Variants in EFCAB11 observed in about 807,000 individuals in gnomAD.
EFCAB11 encodes the protein EF-hand calcium binding domain 11.
In EFCAB11, 14 loss-of-function variants were observed where a neutral mutation model predicts 23.0. The ratio of observed to expected loss-of-function variants is 0.61; its 90% CI spans 0.40 to 0.95. The LOEUF (loss-of-function observed/expected upper bound fraction) is 0.95, where lower values mean the gene tolerates loss of function less well. Among genes scored for constraint, EFCAB11 ranks in the 40% least tolerant of loss-of-function variants. EFCAB11 has a pLI of 0.00. For missense variants in EFCAB11, 198 were observed against 195.8 expected (o/e 1.01, Z -0.07); for synonymous variants, 65 against 66.6 (o/e 0.98, Z 0.11).
chr14:89,952,930 G>A (rs1430994477), intron 2 of EFCAB11, among the ~76,000 whole-genome samples: 2 of 152,118 alleles, frequency 1.3e-5, no homozygotes, highest in East Asian at 1.9e-4. Context: ...AGCTTAACAA[G>A]AAGGGTGTTG....
At chr14:89,807,357 T>G (rs1028532798) in intron 5 of EFCAB11, among the ~76,000 whole-genome samples, 1 of 152,234 alleles carries the variant, frequency 6.6e-6, no homozygotes, top group Admixed American at 6.5e-5. Context: ...AGATGTGGCC[T>G]CTCTGAAAGC....
At chr14:89,858,070 G>C (rs1404492732) in intron 5 of EFCAB11, among the ~76,000 whole-genome samples, 2 of 152,172 alleles carry the variant, frequency 1.3e-5, no homozygotes, top group Non-Finnish European at 1.5e-5. Context: ...GTCCACAAAT[G>C]CTTTGATGTT....
chr14:89,854,336 C>T (rs1212405080), intron 5 of EFCAB11, among the ~76,000 whole-genome samples: 1 of 152,148 alleles, frequency 6.6e-6, no homozygotes, highest in African/African-American at 2.4e-5. Flanking sequence ...GAGGTGCCCG[C>T]ATCCTACATA....
intron 4 of EFCAB11, among the ~76,000 whole-genome samples, chr14:89,931,936 AGACTTT>A (rs1890403143): frequency 1.3e-5 from 2 of 152,352 alleles, no homozygotes; most frequent in South Asian, 4.1e-4. Flanking sequence ...CAACGGTGTT[AGACTTT>A]GAGTCTTTGC....
intron 5 of EFCAB11, among the ~76,000 whole-genome samples, chr14:89,804,775 T>A (rs764602769): frequency 3.3e-5 from 5 of 152,190 alleles, no homozygotes; most frequent in Non-Finnish European, 5.9e-5. Flanking sequence ...AAATTAAATA[T>A]TGCCTTTAAG....
rs71107570 is a variant in EFCAB11 at position 89,917,053 on chromosome 14, CGTGTGTGTGTGTGTGT to C, written c.410+14472_410+14487del. 9.4e-3 allele frequency among the ~76,000 whole-genome samples: 1,287 copies of C among 136,722 alleles called. 13 individuals are homozygous for C. Among genetic ancestry groups the C allele is most frequent in the African/African-American group, 0.022 (764 of 33,970 alleles). The allele number at this position is 136,722 out of a possible 152,430, so 89.7% of individuals were successfully genotyped here. A position where few individuals can be genotyped will look rare whatever the true frequency, so the allele number is the denominator to read the frequency against. ...AGCATATCCATCACCTGACATGCTT[CGTGTGTGTGTGTGTGT>C]GTGTGTGTGTGTGTGTGTGTGTGTG... On this transcript the variant is annotated intron_variant, in intron 5 of 5. Transcript: ENST00000316738.
intron 5 of EFCAB11, among the ~76,000 whole-genome samples, chr14:89,873,280 A>C (rs929961416): frequency 1.3e-5 from 2 of 152,128 alleles, no homozygotes; most frequent in African/African-American, 4.8e-5. Context: ...TATCACAAGA[A>C]CAATATGGGA....
chr14:89,904,806 C>T (rs1269366747), intron 5 of EFCAB11, among the ~76,000 whole-genome samples: 1 of 152,112 alleles, frequency 6.6e-6, no homozygotes, highest in Non-Finnish European at 1.5e-5. Flanking sequence ...ATCCTTTGCC[C>T]ACTTTTTGAT....
In EFCAB11 at chr14:89,932,513, T is replaced by C; in HGVS notation, c.319+13A>G. The C allele has an allele frequency of 1.2e-6, 2 of 1,608,354 alleles. No homozygotes were observed. Among genetic ancestry groups the C allele is most frequent in the Admixed American group, 1.7e-5 (1 of 59,630 alleles). On this transcript the variant is annotated intron_variant, in intron 4 of 5. Transcript: ENST00000316738. Reference sequence around the variant, plus strand: ...TAATTTTTTTTACATCAAAACACTTTAGAGACACTTACAGTAGGTGTCAAA... The same window carrying C: ...TAATTTTTTTTACATCAAAACACTTCAGAGACACTTACAGTAGGTGTCAAA...
chr14:89,795,364 A>AT lies in EFCAB11; in HGVS notation c.*1878dup, dbSNP rs141607158. The AT allele has an allele frequency of 0.065, 9,841 of 151,076 alleles. 917 individuals are homozygous for AT. Among genetic ancestry groups the AT allele is most frequent in the African/African-American group, 0.21 (8,597 of 41,068 alleles). The allele number at this position is 151,076 out of a possible 1,614,324, so 9.4% of individuals were successfully genotyped here. ...TGTCACATCTTGTTAGGCTCCTCTTATTTGACAGTTTAAAACTTTATTTTT... is the reference window on the plus strand; with the variant it reads ...TGTCACATCTTGTTAGGCTCCTCTTATTTTGACAGTTTAAAACTTTATTTTT... On this transcript the variant is annotated 3_prime_UTR_variant, in exon 6 of 6. Transcript: ENST00000316738.
At chr14:89,899,628 ATAAATCATTTT>A (rs1174585059) in intron 5 of EFCAB11, among the ~76,000 whole-genome samples, 1 of 152,266 alleles carries the variant, frequency 6.6e-6, no homozygotes, top group Non-Finnish European at 1.5e-5. Context: ...AAGAGCCCCT[ATAAATCATTTT>A]AAAATAGACT....
chr14:89,921,531 T>C (rs576603661), intron 5 of EFCAB11, among the ~76,000 whole-genome samples: 17 of 152,318 alleles, frequency 1.1e-4, no homozygotes, highest in Admixed American at 1.1e-3. Context: ...ACTCAGTACC[T>C]TTGGAGTGGG....
At chr14:89,824,524 T>G (rs1473811834) in intron 5 of EFCAB11, among the ~76,000 whole-genome samples, 2 of 152,076 alleles carry the variant, frequency 1.3e-5, no homozygotes, top group African/African-American at 2.4e-5. Context: ...GATGTAGACT[T>G]AGACCCAATG....
At chr14:89,802,355 A>C (rs550454193) in intron 5 of EFCAB11, among the ~76,000 whole-genome samples, 15 of 152,102 alleles carry the variant, frequency 9.9e-5, no homozygotes, top group African/African-American at 3.6e-4. Flanking sequence ...TCGCATCATC[A>C]TTGCAATGTT....
intron 5 of EFCAB11, among the ~76,000 whole-genome samples, chr14:89,886,782 TC>T (rs778438602): frequency 6.6e-6 from 1 of 152,188 alleles, no homozygotes; most frequent in Non-Finnish European, 1.5e-5. Context: ...TTGGAAAGAC[TC>T]CTGATTTATT....
intron 5 of EFCAB11, among the ~76,000 whole-genome samples, chr14:89,800,133 C>A (rs1354877716): frequency 6.6e-6 from 1 of 152,058 alleles, no homozygotes; most frequent in African/African-American, 2.4e-5. Context: ...TTGCAGTGAG[C>A]CAAGATCGGG....
At chr14:89,868,004 G>A (rs916128503) in intron 5 of EFCAB11, among the ~76,000 whole-genome samples, 4 of 152,304 alleles carry the variant, frequency 2.6e-5, no homozygotes, top group African/African-American at 9.6e-5. Context: ...CCTCATGGGC[G>A]AACCTGGAAA....
At chr14:89,911,492 C>A (rs1038035715) in intron 5 of EFCAB11, among the ~76,000 whole-genome samples, 1 of 152,250 alleles carries the variant, frequency 6.6e-6, no homozygotes, top group African/African-American at 2.4e-5. Flanking sequence ...GTGCTCCGCA[C>A]ACAGCTCCTT....
At chr14:89,869,397 C>T (rs1211673173) in intron 5 of EFCAB11, among the ~76,000 whole-genome samples, 1 of 152,138 alleles carries the variant, frequency 6.6e-6, no homozygotes, top group East Asian at 1.9e-4. Flanking sequence ...GTATTGGGGG[C>T]TCCTGCCTGG....
Sources: allele counts gnomAD v4.1 joint callset (sites outside exome capture counted in the v4.1 genomes callset), GRCh38; gene constraint gnomAD v4.1.1; transcripts MANE v1.5; gene names NCBI Gene and HGNC (gene_info 2026-07-23, HGNC 2026-07-21).